ARAP2: variants seen among roughly 807,000 people sequenced by gnomAD.
ARAP2 encodes the protein ArfGAP with RhoGAP domain, ankyrin repeat and PH domain 2, also known as arf-GAP with Rho-GAP domain, ANK repeat and PH domain-containing protein 2.
ARAP2 carries 148 observed loss-of-function variants against 194.5 expected under a neutral mutation model. That is an observed-to-expected ratio of 0.76 (90% CI 0.67 to 0.87). The LOEUF is 0.87. Ranked by LOEUF, ARAP2 falls within the 40% of genes least tolerant of loss-of-function variation. The pLI is 0.00. For synonymous variants in ARAP2, 695 were observed against 683.5 expected (o/e 1.02, Z -0.26); for missense variants, 2,128 against 1,989.7 (o/e 1.07, Z -1.32).
intron 5 of ARAP2, among the ~76,000 whole-genome samples, chr4:36,045,691 G>T (rs1047342860): frequency 6.6e-6 from 1 of 152,030 alleles, no homozygotes; most frequent in Admixed American, 6.6e-5. Context: ...TAAAAGAATC[G>T]ATTTTAAATG....
intron 19 of ARAP2, 98 bp from the exon 20 acceptor site, chr4:36,133,487 G>T (rs886073980): frequency 6.2e-5 from 68 of 1,098,352 alleles, no homozygotes; most frequent in Middle Eastern, 2.4e-4. Flanking sequence ...AATCATGCAA[G>T]ACAAACTCTT....
At chr4:36,110,607 G>GA (rs1262866942) in intron 26 of ARAP2, among the ~76,000 whole-genome samples, 1 of 151,836 alleles carries the variant, frequency 6.6e-6, no homozygotes, top group East Asian at 1.9e-4. Context: ...TTATGGAAGA[G>GA]AATCTAACTC....
At chr4:36,215,099 C>G (rs1158558986) in intron 2 of ARAP2, among the ~76,000 whole-genome samples, 1 of 152,140 alleles carries the variant, frequency 6.6e-6, no homozygotes. Context: ...TATCATATAA[C>G]AGAGTTCTCT....
intron 31 of ARAP2, among the ~76,000 whole-genome samples, chr4:36,078,485 G>A (rs931010635): frequency 6.6e-6 from 1 of 152,082 alleles, no homozygotes; most frequent in Non-Finnish European, 1.5e-5. Context: ...GTATGTCTAC[G>A]CTTTTAACAT....
intron 9 of ARAP2, among the ~76,000 whole-genome samples, chr4:36,172,261 G>A (rs1434533653): frequency 1.3e-5 from 2 of 152,156 alleles, no homozygotes; most frequent in South Asian, 2.1e-4. Context: ...AGGGAGAATC[G>A]AAGCTGACCC....
At chr4:36,165,824 T>TG (rs1735164556) in intron 10 of ARAP2, among the ~76,000 whole-genome samples, 1 of 152,152 alleles carries the variant, frequency 6.6e-6, no homozygotes, top group African/African-American at 2.4e-5. Flanking sequence ...GCTACATACT[T>TG]GGTCAATGAC....
chr4:36,195,293 T>C (rs1348858317), intron 6 of ARAP2, among the ~76,000 whole-genome samples: 1 of 152,224 alleles, frequency 6.6e-6, no homozygotes, highest in Admixed American at 6.5e-5. Flanking sequence ...TTTCCTCACT[T>C]TGCAACATCC....
At chr4:36,123,491 GT>G (rs1255663850) in intron 22 of ARAP2, among the ~76,000 whole-genome samples, 2 of 151,608 alleles carry the variant, frequency 1.3e-5, no homozygotes, top group Non-Finnish European at 3.0e-5. Flanking sequence ...GGCTGCCTTA[GT>G]TTCTGGGACA....
In ARAP2 at chr4:36,142,965, C is replaced by T. The variant is rs147506849; in HGVS notation, c.3263+4331G>A. On this transcript the variant is annotated intron_variant, in intron 19 of 32. Coordinates refer to ENST00000303965, the MANE Select transcript of ARAP2 (RefSeq NM_015230.4). ...TTTCTTATAAGAATCTCATGCTCAA[C>T]ATGTCTTAAACTCATTATCTCCCAG... Among the ~76,000 whole-genome samples the T allele has an allele frequency of 3.3e-4, 50 of 151,876 alleles. No homozygotes were observed. The East Asian group carries it at 8.1e-3, about 25-fold the overall frequency.
intron 2 of ARAP2, 41 bp from the exon 3 acceptor site, chr4:36,214,521 T>G: frequency 8.0e-7 from 1 of 1,244,646 alleles, no homozygotes; most frequent in Non-Finnish European, 1.1e-6. Context: ...GTGAAAATAT[T>G]TATGATATTT....
chr4:36,040,064 T>A (rs1288563587), intron 5 of ARAP2, among the ~76,000 whole-genome samples: 1 of 152,202 alleles, frequency 6.6e-6, no homozygotes, highest in Non-Finnish European at 1.5e-5. Context: ...TAAATGGACA[T>A]GTGTACTCTA....
intron 20 of ARAP2, among the ~76,000 whole-genome samples, chr4:36,132,810 A>T (rs1725744525): frequency 6.6e-6 from 1 of 151,800 alleles, no homozygotes; most frequent in Non-Finnish European, 1.5e-5. Flanking sequence ...ATTATTTGAC[A>T]TATTGTTCCA....
intron 2 of ARAP2, among the ~76,000 whole-genome samples, chr4:36,224,011 C>T (rs1036273260): frequency 3.3e-5 from 5 of 151,356 alleles, no homozygotes; most frequent in Admixed American, 3.3e-4. Flanking sequence ...TAATGAATAA[C>T]TCTGATTATA....
chr4:36,188,193 C>T (rs1295133350), intron 7 of ARAP2, among the ~76,000 whole-genome samples: 3 of 152,216 alleles, frequency 2.0e-5, no homozygotes, highest in East Asian at 3.9e-4. Context: ...CTTAAGACTT[C>T]GATAACTTTT....
chr4:36,045,193 T>C (rs957880992), intron 5 of ARAP2, among the ~76,000 whole-genome samples: 9 of 152,186 alleles, frequency 5.9e-5, no homozygotes, highest in Admixed American at 5.2e-4. Flanking sequence ...GTTCTGGGTA[T>C]ATATCCAAAT....
chr4:36,055,484 G>T (rs1179455649), intron 2 of ARAP2, among the ~76,000 whole-genome samples: 2 of 152,166 alleles, frequency 1.3e-5, no homozygotes, highest in East Asian at 3.8e-4. Context: ...CTAATTTCCT[G>T]ATTCAACTCA....
chr4:36,180,646 A>C (rs1278650626), intron 8 of ARAP2, among the ~76,000 whole-genome samples: 1 of 152,230 alleles, frequency 6.6e-6, no homozygotes, highest in Non-Finnish European at 1.5e-5. Flanking sequence ...GTAGGTCATA[A>C]TTTAATGAGT....
At chr4:36,111,608 C>T (rs899237019) in intron 26 of ARAP2, among the ~76,000 whole-genome samples, 2 of 151,922 alleles carry the variant, frequency 1.3e-5, no homozygotes, top group African/African-American at 2.4e-5. Flanking sequence ...ATAAAGACAA[C>T]TTTATTTTAA....
At chr4:36,181,732 T>C (rs1739307744) in intron 8 of ARAP2, among the ~76,000 whole-genome samples, 1 of 152,220 alleles carries the variant, frequency 6.6e-6, no homozygotes. Flanking sequence ...CTATTCTGAA[T>C]ACCAGGAATG....
Sources: allele counts gnomAD v4.1 joint callset (sites outside exome capture counted in the v4.1 genomes callset), GRCh38; gene constraint gnomAD v4.1.1; transcripts MANE v1.5; gene names NCBI Gene and HGNC (gene_info 2026-07-23, HGNC 2026-07-21).